Variants in RIPOR2 observed in about 807,000 individuals in gnomAD.
RIPOR2 encodes the protein rho family-interacting cell polarization regulator 2.
Under a neutral mutation model 114.5 loss-of-function variants are expected in RIPOR2, and 39 were observed. The ratio of observed to expected loss-of-function variants is 0.34; its 90% confidence interval spans 0.26 to 0.44. RIPOR2 has a LOEUF of 0.44. Among genes scored for constraint, RIPOR2 ranks in the 20% least tolerant of loss-of-function variants. The pLI is 1.00. For missense variants in RIPOR2, 1,007 were observed against 1,255.1 expected (o/e 0.80, Z 2.99); for synonymous variants, 445 against 484.4 (o/e 0.92, Z 1.07).
chr6:24,952,564 C>T (rs976582958), intron 1 of RIPOR2, among the ~76,000 whole-genome samples: 3 of 152,024 alleles, frequency 2.0e-5, no homozygotes, highest in South Asian at 2.1e-4. Context: ...CAGATACAAT[C>T]GATGTAAATA....
chr6:24,942,518 T>C (rs1006610660), intron 1 of RIPOR2, among the ~76,000 whole-genome samples: 13 of 152,194 alleles, frequency 8.5e-5, no homozygotes, highest in South Asian at 2.1e-4. Context: ...AACTAGTTTA[T>C]AGTCCCACCA....
intron 1 of RIPOR2, among the ~76,000 whole-genome samples, chr6:25,038,094 A>G (rs946880245): frequency 1.3e-5 from 2 of 152,264 alleles, no homozygotes; most frequent in Non-Finnish European, 2.9e-5. Context: ...TGATAGATAT[A>G]TAAGATTCAT....
rs1190361741 is a variant in RIPOR2 at position 24,828,237 on chromosome 6, G to A, written c.2565C>T (p.Ser855=). ...AAACAGTGACGACTTCCGAGGACAG[G>A]CTGGAGGAAAGCAGAGGCTCAGCCC... The part of the protein sequence containing the change: ...LDRAEPLLSS[S]LSSEVVTVFQ... The change falls in exon 18 of 22, where the codon AGC becomes AGT. Residue 855 remains serine, a synonymous_variant. Transcript: ENST00000643898. The A allele has an allele frequency of 3.2e-6, 5 of 1,551,276 alleles. No homozygotes were observed. Among genetic ancestry groups the A allele is most frequent in the Admixed American group, 3.9e-5 (2 of 50,982 alleles).
At chr6:24,869,316 A>ATT (rs56329568) in intron 5 of RIPOR2, among the ~76,000 whole-genome samples, 169 bp from the exon 6 acceptor site, 3 of 135,026 alleles carry the variant, frequency 2.2e-5, no homozygotes, top group Non-Finnish European at 4.8e-5. Context: ...ACCAATTTGG[A>ATT]TTTTTTTTTT....
At chr6:24,937,216 A>G (rs1771861230), upstream of RIPOR2, among the ~76,000 whole-genome samples, 1 of 152,182 alleles carries the variant, frequency 6.6e-6, no homozygotes, top group Non-Finnish European at 1.5e-5. Context: ...GTTGTCAATC[A>G]GGGCTGGAAC....
chr6:24,989,902 C>T (rs957931135), intron 1 of RIPOR2, among the ~76,000 whole-genome samples: 3 of 151,622 alleles, frequency 2.0e-5, no homozygotes, highest in Non-Finnish European at 2.9e-5. Flanking sequence ...TGGTGGTGGG[C>T]GCCTGTAATC....
At chr6:25,018,931 C>G (rs1433659208) in intron 1 of RIPOR2, among the ~76,000 whole-genome samples, 1 of 152,034 alleles carries the variant, frequency 6.6e-6, no homozygotes, top group African/African-American at 2.4e-5. Context: ...ATGAGGACTG[C>G]AAAATAGTGA....
chr6:24,848,297 T>G, intron 11 of RIPOR2, 143 bp from the exon 12 acceptor site: 1 of 822,252 alleles, frequency 1.2e-6, no homozygotes, highest in Non-Finnish European at 1.8e-6. Flanking sequence ...TAAACTGCTT[T>G]GCAGAAAATA....
chr6:24,972,678 C>T (rs1257234319), intron 1 of RIPOR2, among the ~76,000 whole-genome samples: 4 of 152,114 alleles, frequency 2.6e-5, no homozygotes, highest in Non-Finnish European at 5.9e-5. Flanking sequence ...TAACAAATAA[C>T]TCTCCAGGAA....
At chr6:24,958,778 T>G (rs557172172) in intron 1 of RIPOR2, among the ~76,000 whole-genome samples, 27 of 152,074 alleles carry the variant, frequency 1.8e-4, no homozygotes, top group Admixed American at 6.5e-4. Flanking sequence ...CAATAGAAAT[T>G]TATTGTCTCA....
chr6:24,841,676 G>C (rs991868587), intron 13 of RIPOR2, among the ~76,000 whole-genome samples: 5 of 149,754 alleles, frequency 3.3e-5, no homozygotes, highest in African/African-American at 1.2e-4. Context: ...GGAGTGCAGT[G>C]ACGTGATCTC....
intron 18 of RIPOR2, among the ~76,000 whole-genome samples, chr6:24,826,901 AT>A (rs147841757): frequency 0.032 from 4,811 of 149,148 alleles, 227 homozygotes; most frequent in African/African-American, 0.1. Flanking sequence ...CTCTGTTTAC[AT>A]TTTTTTTTTT....
chr6:24,969,014 A>G (rs1243755700), intron 1 of RIPOR2, among the ~76,000 whole-genome samples: 1 of 152,068 alleles, frequency 6.6e-6, no homozygotes, highest in African/African-American at 2.4e-5. Context: ...ATGACTTTCA[A>G]CCACCTTCCC....
intron 1 of RIPOR2, among the ~76,000 whole-genome samples, chr6:24,966,491 G>A (rs1397345214): frequency 6.6e-6 from 1 of 152,166 alleles, no homozygotes; most frequent in Admixed American, 6.5e-5. Flanking sequence ...GGGATGCCAC[G>A]TGTTGGGTCC....
chr6:24,899,657 A>G (rs1240759415), intron 1 of RIPOR2, among the ~76,000 whole-genome samples: 3 of 152,228 alleles, frequency 2.0e-5, no homozygotes, highest in African/African-American at 7.2e-5. Context: ...GTTTTCCTAC[A>G]TTCAGTAATT....
At chr6:25,014,326 C>A (rs1446916069) in intron 1 of RIPOR2, among the ~76,000 whole-genome samples, 1 of 152,222 alleles carries the variant, frequency 6.6e-6, no homozygotes. Context: ...AAACTACAAT[C>A]ACCTTGAAAT....
chr6:24,839,094 T>C lies in RIPOR2; in HGVS notation c.2036A>G (p.His679Arg). 6.4e-7 allele frequency: 1 copy of C among 1,550,874 alleles called. No individual in the cohort carries two copies. Among genetic ancestry groups the C allele is most frequent in the Non-Finnish European group, 8.7e-7 (1 of 1,146,308 alleles). Residue 679 changes from histidine (H) to arginine (R), a missense_variant, in exon 14 of 22, where the codon CAC becomes CGC. Physicochemically the swap from His to Arg is conservative, Grantham distance 29. Transcript: ENST00000643898. The part of the protein sequence containing the change: ...SVFSDTETEK[H>R]SYRSVHPEAR... ...GAGACACTAACTTCAGACTTACCTG[T>C]GTTTCTCAGTCTCAGTGTCTGAAAA...
At chr6:25,026,543 A>G (rs1014051856) in intron 1 of RIPOR2, among the ~76,000 whole-genome samples, 1 of 152,258 alleles carries the variant, frequency 6.6e-6, no homozygotes, top group Non-Finnish European at 1.5e-5. Context: ...AAGAAGCCTG[A>G]GAATTTCTAG....
At chr6:24,917,687 G>T (rs901264087) in intron 1 of RIPOR2, among the ~76,000 whole-genome samples, 1 of 152,054 alleles carries the variant, frequency 6.6e-6, no homozygotes, top group Non-Finnish European at 1.5e-5. Context: ...GTACCACCAG[G>T]CCTGGCTAAT....
Sources: allele counts gnomAD v4.1 joint callset (sites outside exome capture counted in the v4.1 genomes callset), GRCh38; gene constraint gnomAD v4.1.1; transcripts MANE v1.5; gene names NCBI Gene and HGNC (gene_info 2026-07-23, HGNC 2026-07-21).